The following DNAH10 variants were observed in gnomAD, a reference collection of about 807,000 sequenced individuals.
DNAH10 encodes dynein axonemal heavy chain 10.
A neutral mutation model predicts 506.6 loss-of-function variants in DNAH10; 348 were observed. The observed-to-expected ratio is 0.69, with a 90% CI of 0.63 to 0.75. The LOEUF (loss-of-function observed/expected upper bound fraction) is 0.75. Ranked by LOEUF, DNAH10 falls within the 30% of genes least tolerant of loss-of-function variation. The pLI, the probability that DNAH10 is intolerant of heterozygous loss-of-function variation, is 0.00. For synonymous variants in DNAH10, 2,059 were observed against 2,198.6 expected (o/e 0.94, Z 1.78); for missense variants, 5,179 against 5,787.1 (o/e 0.89, Z 3.41).
At position 123,771,669 on chromosome 12, in the gene DNAH10, A is replaced by G. The variant is rs775409613; in HGVS notation, c.367A>G (p.Lys123Glu). The change falls in exon 3 of 79, where the codon AAA becomes GAA. Residue 123 changes from lysine to glutamate, a missense_variant. By Grantham distance (56) the Lys-to-Glu change is moderately conservative. This residue lies in a region of DNAH10 where 326 missense variants were observed against 330.8 expected (regional missense o/e 0.99). Coordinates refer to ENST00000673944, the MANE Select transcript of DNAH10 (RefSeq NM_001372106.1). ...PLNREDEEMD[K>E]EISEKLPSKR... is the part of the protein sequence containing the mutation. ...AAACAGAGAGGATGAAGAAATGGACAAAGAGATTTCAGAAAAACTCCCTTC... is the reference window on the plus strand; with the variant it reads ...AAACAGAGAGGATGAAGAAATGGACGAAGAGATTTCAGAAAAACTCCCTTC... The G allele has an allele frequency of 1.2e-5, 20 of 1,613,082 alleles. No individual in the cohort carries two copies. The highest frequency in any genetic ancestry group is 1.6e-4 in the Middle Eastern group (1 of 6,062).
intron 28 of DNAH10, among the ~76,000 whole-genome samples, chr12:123,837,868 G>T (rs184074118): frequency 6.6e-6 from 1 of 151,162 alleles, no homozygotes; most frequent in Non-Finnish European, 1.5e-5. Flanking sequence ...GTCTCCCAAA[G>T]CACTGGGATT....
In DNAH10 at chr12:123,820,641, A is replaced by G. The variant is rs372592964; in HGVS notation, c.4062A>G (p.Glu1354=). The change falls in exon 24 of 79, where the codon GAA becomes GAG. Residue 1354 remains glutamate, a synonymous_variant. Transcript: ENST00000673944. ...CAAGACATGAAAAGAGCCGTCAGGA[A>G]CTGGCTAACGCTGAGAAACTTTTCG... The part of the protein sequence containing the change: ...ELARHEKSRQ[E]LANAEKLFDL... 1 of 1,614,046 alleles carries G rather than the reference A, an allele frequency of 6.2e-7. No homozygotes were observed. The highest frequency in any genetic ancestry group is 8.5e-7 in the Non-Finnish European group (1 of 1,179,900).
At chr12:123,879,556 C>T (rs781134579) in intron 49 of DNAH10, 78 bp from the exon 50 acceptor site, 112 of 1,573,554 alleles carry the variant, frequency 7.1e-5, no homozygotes, top group South Asian at 1.0e-4. Flanking sequence ...GATAATAGTA[C>T]GTATCCTCTG....
At position 123,836,140 on chromosome 12, in the gene DNAH10, A is replaced by ATG. The variant is rs549485385; in HGVS notation, c.4902+614_4902+615dup. Among the ~76,000 whole-genome samples the ATG allele has an allele frequency of 4.7e-3, 715 of 152,324 alleles. 7 individuals are homozygous for ATG. Among genetic ancestry groups the ATG allele is most frequent in the African/African-American group, 0.016 (686 of 41,580 alleles). On this transcript the variant is annotated intron_variant, in intron 28 of 78. Transcript: ENST00000673944. ...GTCACTTTAATGGGACCACTTTAAC[A>ATG]TGTCAATATATTCCTTTTATCTTTT...
At chr12:123,843,902 C>T (rs188453127) in intron 30 of DNAH10, among the ~76,000 whole-genome samples, 2 of 152,302 alleles carry the variant, frequency 1.3e-5, no homozygotes, top group East Asian at 1.9e-4. Context: ...ATTTATTTTG[C>T]CATTAACTGT....
In DNAH10 at chr12:123,928,941, T is replaced by C. The variant is rs1304833684; in HGVS notation, c.12307-334T>C. On this transcript the variant is annotated intron_variant, in intron 70 of 78. Coordinates refer to ENST00000673944, the MANE Select transcript of DNAH10 (RefSeq NM_001372106.1). The surrounding 1 kb of genome is among the most constrained non-coding windows in gnomAD (Gnocchi z 4.9). Reference sequence around the variant, plus strand: ...TTTACATGCCCCATTTAATTTATTCTCCGGGAAATTCTTTTGGAAAGGTTT... The same window carrying C: ...TTTACATGCCCCATTTAATTTATTCCCCGGGAAATTCTTTTGGAAAGGTTT... 2 of 471,568 alleles carry C rather than the reference T, an allele frequency of 4.2e-6. No individual in the cohort carries two copies. The highest frequency in any genetic ancestry group is 3.9e-5 in the Admixed American group (1 of 25,852). The allele number at this position is 471,568 out of a possible 1,614,324, so 29.2% of individuals were successfully genotyped here.
intron 57 of DNAH10, among the ~76,000 whole-genome samples, chr12:123,904,035 C>T (rs902824994): frequency 6.6e-6 from 1 of 152,258 alleles, no homozygotes; most frequent in African/African-American, 2.4e-5. Context: ...TGCCTCTGTG[C>T]TGCCTGTGAA....
rs777231029 is a variant in DNAH10, at chr12:123,931,740, C to T, written c.13021C>T (p.Arg4341Cys). ...KVFDLDQVRK[R>C]LGTGLSPTSV... is the part of the protein sequence containing the mutation. ...CTTTGACTTGGACCAGGTGAGGAAG[C>T]GCCTCGGAACAGGACTCTCCCCCAC... Residue 4341 changes from arginine to cysteine, a missense_variant, in exon 75 of 79, where the codon CGC (arginine) becomes TGC (cysteine). Physicochemically the swap from Arg to Cys is radical, Grantham distance 180. Transcript: ENST00000673944. 4 of 1,614,036 alleles carry T rather than the reference C, an allele frequency of 2.5e-6. No individual in the cohort carries two copies. Among genetic ancestry groups the T allele is most frequent in the African/African-American group, 1.3e-5 (1 of 75,056 alleles).
chr12:123,908,650 G>A, intron 57 of DNAH10: 3 of 438,210 alleles, frequency 6.8e-6, no homozygotes, highest in Middle Eastern at 7.4e-4. Flanking sequence ...AGAGGAACAA[G>A]GGCAGTGGAC....
chr12:123,847,988 C>T lies in DNAH10; in HGVS notation c.5842C>T (p.Pro1948Ser). The change falls in exon 33 of 79, where the codon CCC becomes TCC. Residue 1948 changes from proline to serine, a missense_variant. Pro to Ser is a moderately conservative substitution (Grantham distance 74, BLOSUM62 -1). Transcript: ENST00000673944. Reference sequence around the variant, plus strand: ...GCTGTCCATGTATCTAGGTGGGGCCCCCGCCGGCCCAGCAGGAACCGGCAA... The same window carrying T: ...GCTGTCCATGTATCTAGGTGGGGCCTCCGCCGGCCCAGCAGGAACCGGCAA... ...QALSMYLGGA[P>S]AGPAGTGKTE... The T allele has an allele frequency of 6.2e-7, 1 of 1,613,574 alleles. No homozygotes were observed. The highest frequency in any genetic ancestry group is 8.5e-7 in the Non-Finnish European group (1 of 1,179,682).
At chr12:123,912,359 G>C (rs200866721) in intron 59 of DNAH10, among the ~76,000 whole-genome samples, 3 of 40,966 alleles carry the variant, frequency 7.3e-5, no homozygotes, top group Non-Finnish European at 1.4e-4. Context: ...TGTCCTGGGG[G>C]GGTCTGTCCT....
At position 123,879,785 on chromosome 12, in the gene DNAH10, C is replaced by T; in HGVS notation, c.8618C>T (p.Ala2873Val). ...IYEDIQDYEA[A>V]KALFQEILEE... Reference sequence around the variant, plus strand: ...GAAGACATCCAGGACTACGAGGCGGCCAAGGCTCTGTTCCAGGTGGGGATG... The same window carrying T: ...GAAGACATCCAGGACTACGAGGCGGTCAAGGCTCTGTTCCAGGTGGGGATG... The change falls in exon 50 of 79, where the codon GCC (alanine) becomes GTC (valine). Residue 2873 changes from alanine to valine, a missense_variant. By Grantham distance (64) the Ala-to-Val change is moderately conservative (BLOSUM62 0). This residue lies in a region of DNAH10 where 4,844 missense variants were observed against 5,430.5 expected (regional missense o/e 0.89). Transcript: ENST00000673944. The T allele has an allele frequency of 6.2e-7, 1 of 1,613,986 alleles. No individual in the cohort carries two copies. Among genetic ancestry groups the T allele is most frequent in the Non-Finnish European group, 8.5e-7 (1 of 1,179,862 alleles).
At chr12:123,912,473 C>CT (rs1370421912) in intron 59 of DNAH10, among the ~76,000 whole-genome samples, 1 of 60,476 alleles carries the variant, frequency 1.7e-5, no homozygotes, top group Admixed American at 2.8e-4. Context: ...GGGGTCTGTC[C>CT]TGGGGGGGGG....
chr12:123,772,801 A>G, intron 3 of DNAH10, 33 bp from the exon 4 acceptor site: 5 of 1,517,030 alleles, frequency 3.3e-6, no homozygotes, highest in Non-Finnish European at 4.5e-6. Flanking sequence ...GATGTATCAC[A>G]AGAATGAATG....
rs866599141 is a variant in DNAH10 at position 123,917,397 on chromosome 12, A to G, written c.11003-187A>G. ...TCCTTTTTATCTGCCACTCTGCACC[A>G]CAGCATCGCTGTTTTGCTCCTGCCT... On this transcript the variant is annotated intron_variant, in intron 63 of 78. Coordinates refer to ENST00000673944, the MANE Select transcript of DNAH10 (RefSeq NM_001372106.1). This position sits in a 1 kb window ranked among gnomAD's most constrained non-coding sequence, Gnocchi z 5.6. Among the ~76,000 whole-genome samples, 25 of 152,298 alleles carry G rather than the reference A, an allele frequency of 1.6e-4. No homozygotes were observed. The highest frequency in any genetic ancestry group is 5.8e-4 in the African/African-American group (24 of 41,566).
In DNAH10 at chr12:123,785,679, T is replaced by C; in HGVS notation, c.1231-67T>C. On this transcript the variant is annotated intron_variant, in intron 8 of 78. Transcript: ENST00000673944. This position sits in a 1 kb window ranked among gnomAD's most constrained non-coding sequence, Gnocchi z 4.1. ...AGAGTGAAACTTCTTGCATGCTTAC[T>C]GTTTTATGAAACTATTTGGACCCCA... 7.7e-7 allele frequency: 1 copy of C among 1,305,706 alleles called. No homozygotes were observed. The highest frequency in any genetic ancestry group is 1.0e-6 in the Non-Finnish European group (1 of 976,432). The allele number at this position is 1,305,706 out of a possible 1,614,324, so 80.9% of individuals were successfully genotyped here. A position where few individuals can be genotyped will look rare whatever the true frequency, so the allele number is the denominator to read the frequency against.
chr12:123,774,639 G>A (rs1360584990), intron 5 of DNAH10, among the ~76,000 whole-genome samples: 1 of 152,236 alleles, frequency 6.6e-6, no homozygotes, highest in African/African-American at 2.4e-5. Flanking sequence ...AAAGAAATAG[G>A]TGGGCTAGTT....
chr12:123,825,676 CAG>C (rs1959909098), intron 24 of DNAH10, among the ~76,000 whole-genome samples: 1 of 152,068 alleles, frequency 6.6e-6, no homozygotes, highest in Non-Finnish European at 1.5e-5. Flanking sequence ...GGTTATGACA[CAG>C]GGAAATGGGG....
intron 3 of DNAH10, 34 bp from the exon 4 acceptor site, chr12:123,772,800 C>G: frequency 1.3e-6 from 2 of 1,508,766 alleles, no homozygotes; most frequent in South Asian, 1.2e-5. Flanking sequence ...GGATGTATCA[C>G]AAGAATGAAT....
Sources: gnomAD v4.1 joint callset for allele counts (sites outside exome capture counted in the v4.1 genomes callset) on GRCh38, gnomAD v4.1.1 for gene constraint, gnomAD v4.1.1 regional missense constraint, Gnocchi (gnomAD v3.1) non-coding constraint, MANE v1.5 for transcripts, NCBI Gene and HGNC (gene_info 2026-07-23, HGNC 2026-07-21) for gene names.